The following ALKAL1 variants were observed in gnomAD, a reference collection of about 807,000 sequenced individuals.
The protein encoded by ALKAL1 is AUG-beta.
ALKAL1 carries 23 observed loss-of-function variants against 13.5 expected under a neutral mutation model. The observed-to-expected ratio is 1.70, with a 90% CI of 1.23 to 2.41. The LOEUF (loss-of-function observed/expected upper bound fraction) is 2.41. Among genes scored for constraint, ALKAL1 ranks in the 30% most tolerant of loss-of-function variants. The pLI is 0.00. For missense variants in ALKAL1, 181 were observed against 178.4 expected, an observed-to-expected ratio of 1.01 and a Z score of -0.08; for synonymous variants, 85 against 77.7, an observed-to-expected ratio of 1.09 and a Z score of -0.49.
chr8:52,544,715 A>G (rs1847349826), intron 1 of ALKAL1, among the ~76,000 whole-genome samples: 2 of 152,102 alleles, frequency 1.3e-5, no homozygotes, highest in African/African-American at 2.4e-5. Flanking sequence ...TGTGTTGTAT[A>G]TGGGATAATG....
chr8:52,554,583 A>G (rs1372961036), intron 1 of ALKAL1, among the ~76,000 whole-genome samples: 2 of 152,228 alleles, frequency 1.3e-5, no homozygotes, highest in African/African-American at 4.8e-5. Context: ...CAAGTTTGAG[A>G]TTCTGTAGCT....
intron 1 of ALKAL1, among the ~76,000 whole-genome samples, chr8:52,564,482 C>A (rs1322776033): frequency 6.6e-6 from 1 of 152,176 alleles, no homozygotes; most frequent in African/African-American, 2.4e-5. Flanking sequence ...TCCCCTCGGG[C>A]ATCTAAGTAG....
intron 1 of ALKAL1, among the ~76,000 whole-genome samples, chr8:52,551,878 G>A (rs554911581): frequency 2.1e-4 from 32 of 152,240 alleles, no homozygotes; most frequent in African/African-American, 7.2e-4. Context: ...AGTTTTAGAT[G>A]CACAGAAAAA....
rs374808225 is a variant in ALKAL1 at position 52,559,535 on chromosome 8, A to G, written c.190+5532T>C. On this transcript the variant is annotated intron_variant, in intron 1 of 4. Transcript: ENST00000358543. Reference sequence around the variant, plus strand: ...TGATGGTCCCAAAAATTCAAGGTACATGAGAATTCTCAAAGAGTTTGTTAA... The same window carrying G: ...TGATGGTCCCAAAAATTCAAGGTACGTGAGAATTCTCAAAGAGTTTGTTAA... 2.6e-5 allele frequency among the ~76,000 whole-genome samples: 4 copies of G among 152,312 alleles called. No individual in the cohort carries two copies. The East Asian group carries it at 7.7e-4, about 29-fold the overall frequency.
chr8:52,564,177 C>A (rs1168275709), intron 1 of ALKAL1, among the ~76,000 whole-genome samples: 2 of 152,170 alleles, frequency 1.3e-5, no homozygotes, highest in African/African-American at 4.8e-5. Context: ...GTGGAGGCCA[C>A]CAAATGTCCC....
intron 2 of ALKAL1, among the ~76,000 whole-genome samples, chr8:52,541,014 G>A (rs536223616): frequency 1.4e-4 from 22 of 152,286 alleles, no homozygotes; most frequent in Middle Eastern, 3.4e-3. Flanking sequence ...AAGTAGCTGG[G>A]ATGACTGGGA....
Position 52,565,392 on chromosome 8 carries a change from G to C in ALKAL1, c.-136C>G. On this transcript the variant is annotated 5_prime_UTR_variant, in exon 1 of 5. Coordinates refer to ENST00000358543, the MANE Select transcript of ALKAL1 (RefSeq NM_207413.4). ...CGGCCGCAGTCTTCACCGCGCGCCT[G>C]CCCTTGTCTACGTCCCGGGGGTCGG... The C allele has an allele frequency of 1.6e-6, 1 of 614,060 alleles. No homozygotes were observed. The highest frequency in any genetic ancestry group is 7.6e-5 in the South Asian group (1 of 13,136). The allele number at this position is 614,060 out of a possible 1,614,324, so 38.0% of individuals were successfully genotyped here.
At chr8:52,559,071 A>G (rs368732310) in intron 1 of ALKAL1, among the ~76,000 whole-genome samples, 37 of 151,630 alleles carry the variant, frequency 2.4e-4, no homozygotes, top group East Asian at 7.8e-4. Context: ...GCAAGAACTC[A>G]CTCCCACCAC....
At chr8:52,554,511 A>T (rs2036540970) in intron 1 of ALKAL1, among the ~76,000 whole-genome samples, 1 of 152,212 alleles carries the variant, frequency 6.6e-6, no homozygotes, top group South Asian at 2.1e-4. Flanking sequence ...CTTTACTTTG[A>T]CCAGAAATAA....
At chr8:52,562,561 C>T (rs1296051899) in intron 1 of ALKAL1, among the ~76,000 whole-genome samples, 1 of 152,168 alleles carries the variant, frequency 6.6e-6, no homozygotes, top group Non-Finnish European at 1.5e-5. Context: ...TCTGGTCCCT[C>T]CTGCCTCAGG....
intron 4 of ALKAL1, among the ~76,000 whole-genome samples, chr8:52,537,582 A>G (rs963518646): frequency 2.6e-5 from 4 of 152,224 alleles, no homozygotes; most frequent in African/African-American, 9.6e-5. Flanking sequence ...CTAAATGTCC[A>G]TCAATGGATG....
Position 52,565,126 on chromosome 8 carries a change from G to A in ALKAL1, c.131C>T (p.Pro44Leu). 2.1e-6 allele frequency: 3 copies of A among 1,417,784 alleles called. No individual in the cohort carries two copies. The highest frequency in any genetic ancestry group is 2.8e-6 in the Non-Finnish European group (3 of 1,079,628). The allele number at this position is 1,417,784 out of a possible 1,614,324, so 87.8% of individuals were successfully genotyped here. Residue 44 changes from proline to leucine, a missense_variant, in exon 1 of 5, where the codon CCG becomes CTG. Coordinates refer to ENST00000358543, the MANE Select transcript of ALKAL1 (RefSeq NM_207413.4). ...GARVTDKEPK[P>L]LLFLPAAGAG... The stretch of plus-strand genomic sequence containing the variant: ...CCCGGCCGCGGGGAGGAAAAGCAAC[G>A]GCTTGGGCTCCTTATCCGTGACGCG...
chr8:52,564,936 C>T, intron 1 of ALKAL1, 131 bp downstream of exon 1: 1 of 660,742 alleles, frequency 1.5e-6, no homozygotes, highest in Non-Finnish European at 2.2e-6. Flanking sequence ...AGCTGGGAAT[C>T]TGCAGAGATG....
chr8:52,561,324 G>C (rs532311491), intron 1 of ALKAL1, among the ~76,000 whole-genome samples: 2 of 152,088 alleles, frequency 1.3e-5, no homozygotes, highest in Non-Finnish European at 2.9e-5. Context: ...GGGGATATTT[G>C]CAAAGTGAAT....
At chr8:52,564,915 CTCTTTCCGAGAGCTGGGAA>C (rs1563324908) in intron 1 of ALKAL1, 133 bp downstream of exon 1, 1 of 569,824 alleles carries the variant, frequency 1.8e-6, no homozygotes, top group Non-Finnish European at 2.6e-6. Context: ...CGCTTACGAC[CTCTTTCCGAGAGCTGGGAA>C]TCTGCAGAGA....
chr8:52,563,279 T>A (rs1048126710), intron 1 of ALKAL1, among the ~76,000 whole-genome samples: 8 of 151,758 alleles, frequency 5.3e-5, no homozygotes, highest in African/African-American at 7.3e-5. Context: ...AAATAAAAAT[T>A]AAAATTAGCC....
rs868439174 is a variant in ALKAL1, at chr8:52,542,427, G to A, written c.209C>T (p.Ser70Phe). Residue 70 changes from serine (S) to phenylalanine (F), a missense_variant, in exon 2 of 5, where the codon TCT becomes TTT. Physicochemically the swap from Ser to Phe is radical, Grantham distance 155. Transcript: ENST00000358543. ...CTTTATGAATTTGTCTTTTAAGTTA[G>A]AGTCTCTTGGGAATATTTCTGAAAA... Reference protein sequence around the residue: ...SRSAEIFPRDSNLKDKFIKHF... With the variant: ...SRSAEIFPRDFNLKDKFIKHF... 1 of 1,542,516 alleles carries A rather than the reference G, an allele frequency of 6.5e-7. No individual in the cohort carries two copies. Among genetic ancestry groups the A allele is most frequent in the South Asian group, 1.2e-5 (1 of 85,888 alleles).
intron 4 of ALKAL1, among the ~76,000 whole-genome samples, chr8:52,537,589 G>C (rs1481838319): frequency 6.6e-6 from 1 of 152,068 alleles, no homozygotes; most frequent in Non-Finnish European, 1.5e-5. Context: ...TCCATCAATG[G>C]ATGAATGGAT....
intron 1 of ALKAL1, among the ~76,000 whole-genome samples, chr8:52,558,612 T>C (rs1847508422): frequency 6.6e-6 from 1 of 152,092 alleles, no homozygotes; most frequent in Non-Finnish European, 1.5e-5. Flanking sequence ...AGTCTTTTTT[T>C]CCTGGTGTCC....
Sources: gnomAD v4.1 joint callset for allele counts (sites outside exome capture counted in the v4.1 genomes callset) on GRCh38, gnomAD v4.1.1 for gene constraint, MANE v1.5 for transcripts, NCBI Gene and HGNC (gene_info 2026-07-23, HGNC 2026-07-21) for gene names.